Variants in CRY1 observed in about 807,000 individuals in gnomAD.
The protein encoded by CRY1 is cryptochrome-1.
Under a neutral mutation model 76.0 loss-of-function variants are expected in CRY1, and 45 were observed. The ratio of observed to expected loss-of-function variants is 0.59; its 90% confidence interval spans 0.47 to 0.76. The LOEUF is 0.76. Ranked by LOEUF, CRY1 falls within the 30% of genes least tolerant of loss-of-function variation. The pLI, the probability that CRY1 is intolerant of heterozygous loss-of-function variation, is 0.00. For synonymous variants in CRY1, 248 were observed against 244.0 expected (o/e 1.02, Z -0.15); for missense variants, 587 against 716.4 (o/e 0.82, Z 2.06).
chr12:107,071,469 T>G (rs1299674045), intron 1 of CRY1, among the ~76,000 whole-genome samples: 2 of 152,224 alleles, frequency 1.3e-5, no homozygotes, highest in East Asian at 3.8e-4. Context: ...GTATCCTATT[T>G]GATAATTCTA....
At position 107,000,001 on chromosome 12, in the gene CRY1, G is replaced by A. The variant is rs767156491; in HGVS notation, c.766C>T (p.Arg256Ter). Reference protein sequence around the residue: ...ASPTGLSPYLRFGCLSCRLFY... With the variant: ...ASPTGLSPYL ...AGTCGACATGACAAACAACCAAATC[G>A]GAGATAAGGACTAAGTCCAGTAGGG... Residue 256 changes from arginine to a stop codon, truncating the protein, a stop_gained, in exon 6 of 13, where the codon CGA becomes TGA. Coordinates refer to ENST00000008527, the MANE Select transcript of CRY1 (RefSeq NM_004075.5). LOFTEE classifies it high-confidence loss of function. The A allele has an allele frequency of 9.3e-6, 15 of 1,612,808 alleles. No individual in the cohort carries two copies. The highest frequency in any genetic ancestry group is 2.2e-5 in the East Asian group (1 of 44,874).
rs1324444979 is a variant in CRY1, at chr12:107,092,944, C to T, written c.18G>A (p.Val6=). MGVNA[V]HWFRKGLRLH... is the part of the protein sequence containing the mutation. Reference sequence around the variant, plus strand: ...GCCGGAGCCCCTTTCGGAACCAGTGCACGGCGTTCACCCCCATGCCGGGGG... The same window carrying T: ...GCCGGAGCCCCTTTCGGAACCAGTGTACGGCGTTCACCCCCATGCCGGGGG... The change falls in exon 1 of 13, where the codon GTG becomes GTA. Residue 6 remains valine, a synonymous_variant. Coordinates refer to ENST00000008527, the MANE Select transcript of CRY1 (RefSeq NM_004075.5). 1.3e-6 allele frequency: 2 copies of T among 1,587,504 alleles called. No individual in the cohort carries two copies. The highest frequency in any genetic ancestry group is 1.7e-6 in the Non-Finnish European group (2 of 1,168,066).
intron 1 of CRY1, among the ~76,000 whole-genome samples, chr12:107,076,900 C>T (rs1176033029): frequency 1.3e-5 from 2 of 152,138 alleles, no homozygotes; most frequent in African/African-American, 4.8e-5. Context: ...TTGCTTCTGC[C>T]TTTGCTATGC....
At chr12:107,012,861 C>T (rs575641383) in intron 2 of CRY1, among the ~76,000 whole-genome samples, 10 of 152,234 alleles carry the variant, frequency 6.6e-5, no homozygotes, top group African/African-American at 2.4e-4. Flanking sequence ...GAAGGAACTA[C>T]AAATGTGGTA....
chr12:107,035,163 G>T (rs895516618), intron 1 of CRY1, among the ~76,000 whole-genome samples: 1 of 152,124 alleles, frequency 6.6e-6, no homozygotes, highest in Non-Finnish European at 1.5e-5. Flanking sequence ...CCTTCAAAAA[G>T]ATATTAATAA....
At chr12:107,007,946 G>C (rs545890101) in intron 2 of CRY1, among the ~76,000 whole-genome samples, 14 of 151,968 alleles carry the variant, frequency 9.2e-5, no homozygotes, top group Non-Finnish European at 1.6e-4. Context: ...GTAAGCCAGG[G>C]GGCTAAAGAT....
At chr12:107,030,554 T>C (rs1429616474) in intron 1 of CRY1, among the ~76,000 whole-genome samples, 2 of 152,154 alleles carry the variant, frequency 1.3e-5, no homozygotes, top group African/African-American at 4.8e-5. Flanking sequence ...AAGAAGAATT[T>C]AGGATATACC....
Position 106,999,943 on chromosome 12 carries a change from T to C in CRY1, c.824A>G (p.Lys275Arg). Residue 275 changes from lysine (K) to arginine (R), a missense_variant and splice_region_variant, in exon 6 of 13, where the codon AAG becomes AGG. By Grantham distance (26) the Lys-to-Arg change is conservative. Coordinates refer to ENST00000008527, the MANE Select transcript of CRY1 (RefSeq NM_004075.5). ...FYFKLTDLYK[K>R]VKKNSSPPLS... ...ATAAGCTCTAATTTTAGAGAATACCTTTTTGTAGAGATCTGTTAGTTTGAA... is the reference window on the plus strand; with the variant it reads ...ATAAGCTCTAATTTTAGAGAATACCCTTTTGTAGAGATCTGTTAGTTTGAA... The C allele has an allele frequency of 6.3e-7, 1 of 1,599,098 alleles. No individual in the cohort carries two copies. The highest frequency in any genetic ancestry group is 1.1e-5 in the South Asian group (1 of 87,008).
intron 2 of CRY1, among the ~76,000 whole-genome samples, chr12:107,011,723 AC>A (rs1190628156): frequency 6.6e-6 from 1 of 152,224 alleles, no homozygotes; most frequent in African/African-American, 2.4e-5. Context: ...TGTCTCCATA[AC>A]CTAAAAGTAC....
chr12:106,998,222 A>G (rs1197832197), intron 7 of CRY1, among the ~76,000 whole-genome samples, 156 bp from the exon 8 acceptor site: 1 of 152,242 alleles, frequency 6.6e-6, no homozygotes, highest in Non-Finnish European at 1.5e-5. Context: ...GTTCTGTTCT[A>G]TAATGAGCTC....
intron 1 of CRY1, among the ~76,000 whole-genome samples, chr12:107,040,650 C>A (rs547376459): frequency 6.6e-6 from 1 of 151,824 alleles, no homozygotes; most frequent in Non-Finnish European, 1.5e-5. Flanking sequence ...GTATTTTACA[C>A]TTAAAAATCT....
chr12:107,002,086 C>T (rs936598094), intron 3 of CRY1, 138 bp from the exon 4 acceptor site: 3 of 641,700 alleles, frequency 4.7e-6, no homozygotes, highest in Admixed American at 7.7e-5. Context: ...GTTATAATGA[C>T]CAAGAAATGT....
intron 2 of CRY1, among the ~76,000 whole-genome samples, chr12:107,021,318 A>G (rs1034103363): frequency 2.0e-5 from 3 of 152,188 alleles, no homozygotes; most frequent in African/African-American, 7.2e-5. Flanking sequence ...CAAATTCTGT[A>G]TTATTGGTAA....
intron 3 of CRY1, among the ~76,000 whole-genome samples, chr12:107,003,018 C>T (rs531657257): frequency 3.1e-4 from 47 of 152,140 alleles, no homozygotes; most frequent in Non-Finnish European, 6.0e-4. Flanking sequence ...TTATCAGCAT[C>T]GTGAAAACAG....
At chr12:107,075,102 A>T (rs150987740) in intron 1 of CRY1, among the ~76,000 whole-genome samples, 83 of 152,298 alleles carry the variant, frequency 5.4e-4, no homozygotes, top group African/African-American at 1.9e-3. Flanking sequence ...TGCCTTCTAT[A>T]CCCTGTGCAA....
At chr12:107,016,057 C>T (rs1246233020) in intron 2 of CRY1, among the ~76,000 whole-genome samples, 2 of 152,194 alleles carry the variant, frequency 1.3e-5, no homozygotes, top group African/African-American at 4.8e-5. Flanking sequence ...CGCCTGTAAT[C>T]CCAGCACTTT....
At chr12:107,042,813 C>T (rs541849144) in intron 1 of CRY1, 2 of 152,312 alleles carry the variant, frequency 1.3e-5, no homozygotes, top group African/African-American at 4.8e-5. Flanking sequence ...CCTCATCCTC[C>T]AAATGGGATC....
chr12:107,056,980 T>C lies in CRY1; in HGVS notation c.159-34788A>G, dbSNP rs114074205. On this transcript the variant is annotated intron_variant, in intron 1 of 12. Transcript: ENST00000008527. ...AGAGTTTGTCTCCAAAAGATGTCAC[T>C]AAAAAAAATTCTAAATGATATATTT... 4.4e-3 allele frequency among the ~76,000 whole-genome samples: 670 copies of C among 152,004 alleles called. 14 individuals carry two copies. Among genetic ancestry groups the C allele is most frequent in the African/African-American group, 0.015 (635 of 41,492 alleles).
intron 1 of CRY1, among the ~76,000 whole-genome samples, chr12:107,063,991 TTAC>T (rs770347826): frequency 3.3e-5 from 5 of 152,186 alleles, no homozygotes; most frequent in Non-Finnish European, 5.9e-5. Flanking sequence ...ACCCTGGATA[TTAC>T]TTCTTTGATA....
Sources: allele counts gnomAD v4.1 joint callset (sites outside exome capture counted in the v4.1 genomes callset), GRCh38; gene constraint gnomAD v4.1.1; transcripts MANE v1.5; gene names NCBI Gene and HGNC (gene_info 2026-07-23, HGNC 2026-07-21).